The following ACTA2 variants were observed in gnomAD, a reference collection of about 807,000 sequenced individuals.
ACTA2 encodes the protein actin alpha 2, smooth muscle.
In ACTA2, 12 loss-of-function variants were observed where a neutral mutation model predicts 39.5. The ratio of observed to expected loss-of-function variants is 0.30; its 90% CI spans 0.19 to 0.49. The LOEUF (loss-of-function observed/expected upper bound fraction) is 0.49, where lower values mean the gene tolerates loss of function less well. ACTA2 is among the 20% of genes least tolerant of loss of function. The probability of loss-of-function intolerance (pLI) is 0.99; values close to 1 mark genes in which losing one functional copy is unlikely to be tolerated. For synonymous variants in ACTA2, 158 were observed against 180.6 expected, an observed-to-expected ratio of 0.88 and a Z score of 1.00; for missense variants, 236 against 498.8, an observed-to-expected ratio of 0.47 and a Z score of 5.02.
chr10:88,979,845 T>C (rs1846665921), intron 1 of ACTA2, among the ~76,000 whole-genome samples: 2 of 152,198 alleles, frequency 1.3e-5, no homozygotes, highest in Admixed American at 1.3e-4. Flanking sequence ...AGTGCCTGTG[T>C]CCTCACCACA....
intron 8 of ACTA2, among the ~76,000 whole-genome samples, chr10:88,937,804 G>C (rs902127269): frequency 9.2e-5 from 14 of 152,222 alleles, no homozygotes; most frequent in African/African-American, 3.4e-4. Context: ...GGGGAGCTCT[G>C]TTGACTTTGA....
intron 1 of ACTA2, among the ~76,000 whole-genome samples, chr10:88,982,428 CTT>C (rs951815486): frequency 6.9e-6 from 1 of 144,718 alleles, no homozygotes. Context: ...GTGTTTTTTT[CTT>C]TTTTTTTTTG....
At chr10:88,937,809 C>G (rs1336153212) in intron 8 of ACTA2, among the ~76,000 whole-genome samples, 1 of 152,192 alleles carries the variant, frequency 6.6e-6, no homozygotes, top group Non-Finnish European at 1.5e-5. Context: ...GCTCTGTTGA[C>G]TTTGACTGCA....
chr10:88,976,938 G>A (rs936609858), intron 1 of ACTA2, among the ~76,000 whole-genome samples: 10 of 152,252 alleles, frequency 6.6e-5, no homozygotes, highest in African/African-American at 2.4e-4. Context: ...CCTTATATCT[G>A]GTGAAGGTAA....
intron 5 of ACTA2, 75 bp downstream of exon 5, chr10:88,941,710 C>A (rs955996837): frequency 1.5e-6 from 2 of 1,322,896 alleles, no homozygotes; most frequent in African/African-American, 1.5e-5. Context: ...CCGTCACCCC[C>A]ACGTGTTAAC....
chr10:88,972,816 A>G (rs1846479290), intron 1 of ACTA2, among the ~76,000 whole-genome samples: 1 of 152,164 alleles, frequency 6.6e-6, no homozygotes, highest in Non-Finnish European at 1.5e-5. Context: ...TGTGCTATCA[A>G]AGTGAGACCC....
chr10:88,960,727 A>G (rs1846211825), intron 1 of ACTA2, among the ~76,000 whole-genome samples: 1 of 150,042 alleles, frequency 6.7e-6, no homozygotes, highest in South Asian at 2.1e-4. Context: ...ATTGACAACA[A>G]TGACAAACAT....
chr10:88,990,896 T>C lies in ACTA2; in HGVS notation c.-24+43A>G, dbSNP rs2133384423. The C allele has an allele frequency of 1.2e-6, 2 of 1,614,216 alleles. No homozygotes were observed. Among genetic ancestry groups the C allele is most frequent in the Non-Finnish European group, 1.7e-6 (2 of 1,180,038 alleles). Reference sequence around the variant, plus strand: ...ACAACCATGCTGGGCATCTGGACCCTCCTACCTCTGGTGAGCCCTCTCCTG... The same window carrying C: ...ACAACCATGCTGGGCATCTGGACCCCCCTACCTCTGGTGAGCCCTCTCCTG... On this transcript the variant is annotated intron_variant, in intron 1 of 4. Transcript: ENST00000415557. This position sits in a 1 kb window ranked among gnomAD's most constrained non-coding sequence, Gnocchi z 4.9.
At chr10:88,946,631 A>T (rs988476906) in intron 3 of ACTA2, among the ~76,000 whole-genome samples, 1 of 151,752 alleles carries the variant, frequency 6.6e-6, no homozygotes, top group Non-Finnish European at 1.5e-5. Context: ...GGGCCAAGCG[A>T]TCCTCCCACC....
intron 1 of ACTA2, among the ~76,000 whole-genome samples, chr10:88,951,709 C>T (rs926397269): frequency 3.3e-5 from 5 of 152,110 alleles, no homozygotes; most frequent in East Asian, 1.9e-4. Flanking sequence ...GAACTGCACC[C>T]GGGTCAGGGG....
At chr10:88,964,942 T>G (rs1166757369) in intron 1 of ACTA2, among the ~76,000 whole-genome samples, 1 of 152,154 alleles carries the variant, frequency 6.6e-6, no homozygotes, top group East Asian at 1.9e-4. Flanking sequence ...TTACAAACAT[T>G]TTTAGTGTCT....
chr10:88,974,861 T>TA (rs1846527977), intron 1 of ACTA2: 1 of 152,214 alleles, frequency 6.6e-6, no homozygotes, highest in South Asian at 2.1e-4. Flanking sequence ...GAGATCACTA[T>TA]AGTACTATAT....
chr10:88,951,966 G>A (rs1435145260), intron 1 of ACTA2, among the ~76,000 whole-genome samples: 3 of 152,228 alleles, frequency 2.0e-5, no homozygotes, highest in Non-Finnish European at 4.4e-5. Flanking sequence ...TCACCAGGCT[G>A]AAGGGAGCTT....
intron 1 of ACTA2, among the ~76,000 whole-genome samples, chr10:88,964,407 AG>A (rs1478782191): frequency 6.6e-6 from 1 of 152,212 alleles, no homozygotes; most frequent in Non-Finnish European, 1.5e-5. Flanking sequence ...ACAAGGGGAA[AG>A]GATCTTGAGT....
intron 1 of ACTA2, among the ~76,000 whole-genome samples, chr10:88,958,504 T>G (rs1846174740): frequency 6.6e-6 from 1 of 152,076 alleles, no homozygotes; most frequent in South Asian, 2.1e-4. Context: ...AGAGCAGGGA[T>G]TCAAACCCAG....
rs535129072 is a variant in ACTA2 at position 88,937,362 on chromosome 10, C to T, written c.990+699G>A. Among the ~76,000 whole-genome samples, 17 of 152,332 alleles carry T rather than the reference C, an allele frequency of 1.1e-4. No homozygotes were observed. The East Asian group carries it at 3.1e-3, about 28-fold the overall frequency. On this transcript the variant is annotated intron_variant, in intron 8 of 8. Coordinates refer to ENST00000224784, the MANE Select transcript of ACTA2 (RefSeq NM_001613.4). ...TGGGTCAGAGGGTCCCAAGTGTGGC[C>T]TTCTGACTTCAGAGAGTGATAATAA...
intron 1 of ACTA2, among the ~76,000 whole-genome samples, chr10:88,979,360 C>T (rs1228111936): frequency 6.6e-6 from 1 of 152,136 alleles, no homozygotes; most frequent in Admixed American, 6.5e-5. Flanking sequence ...TGGCTCACCA[C>T]AGACCAGATT....
At chr10:88,938,461 G>A in intron 7 of ACTA2, 1 of 572,628 alleles carries the variant, frequency 1.7e-6, no homozygotes, top group East Asian at 3.1e-5. Context: ...GCATCCTGAG[G>A]TGTGGGCTAC....
intron 1 of ACTA2, 125 bp from the exon 2 acceptor site, chr10:88,949,078 C>A (rs531498584): frequency 1.2e-6 from 1 of 825,780 alleles, no homozygotes; most frequent in Non-Finnish European, 2.0e-6. Flanking sequence ...ATCCTCTGAC[C>A]CTTATCTAAT....
Sources: allele counts gnomAD v4.1 joint callset (sites outside exome capture counted in the v4.1 genomes callset), GRCh38; gene constraint gnomAD v4.1.1; non-coding constraint Gnocchi (gnomAD v3.1); transcripts MANE v1.5; gene names NCBI Gene and HGNC (gene_info 2026-07-23, HGNC 2026-07-21).